Variants in PCDH15 observed in about 807,000 individuals in gnomAD.
PCDH15 encodes the protein protocadherin related 15.
A neutral mutation model predicts 178.5 loss-of-function variants in PCDH15; 129 were observed. The observed-to-expected ratio is 0.72, with a 90% confidence interval of 0.63 to 0.84. The LOEUF (loss-of-function observed/expected upper bound fraction) is 0.84, where lower values mean the gene tolerates loss of function less well. PCDH15 is among the 40% of genes least tolerant of loss of function. PCDH15 has a pLI of 0.00. For synonymous variants in PCDH15, 800 were observed against 732.0 expected (o/e 1.09, Z -1.50); for missense variants, 2,230 against 2,099.9 (o/e 1.06, Z -1.21).
At chr10:54,050,210 G>A (rs1590120830) in intron 18 of PCDH15, among the ~76,000 whole-genome samples, 1 of 152,164 alleles carries the variant, frequency 6.6e-6, no homozygotes, top group Non-Finnish European at 1.5e-5. Context: ...TTGATCGGTA[G>A]ATTTTTCATT....
chr10:54,396,102 C>G (rs1951184955), intron 3 of PCDH15, among the ~76,000 whole-genome samples: 1 of 152,144 alleles, frequency 6.6e-6, no homozygotes, highest in Non-Finnish European at 1.5e-5. Context: ...TCCCCCTTCC[C>G]CTCTAAACCG....
intron 3 of PCDH15, among the ~76,000 whole-genome samples, chr10:54,853,027 G>A (rs908546330): frequency 1.3e-5 from 2 of 151,122 alleles, no homozygotes; most frequent in Non-Finnish European, 1.5e-5. Context: ...TTGGGAGGCC[G>A]AGGCAGGCAG....
At chr10:55,205,302 G>A (rs575907029) in intron 1 of PCDH15, among the ~76,000 whole-genome samples, 1 of 151,886 alleles carries the variant, frequency 6.6e-6, no homozygotes, top group South Asian at 2.1e-4. Context: ...CTCAATTAAA[G>A]CAATTATAAG....
intron 3 of PCDH15, among the ~76,000 whole-genome samples, chr10:54,431,707 G>T (rs1956987543): frequency 6.6e-6 from 1 of 152,050 alleles, no homozygotes; most frequent in South Asian, 2.1e-4. Flanking sequence ...TGGCAAGGAT[G>T]GCCACTTTCA....
At position 54,195,965 on chromosome 10, in the gene PCDH15, A is replaced by G. The variant is rs2049585649; in HGVS notation, c.1099-76T>C. The G allele has an allele frequency of 3.1e-6, 4 of 1,302,508 alleles. No homozygotes were observed. The East Asian group carries it at 9.7e-5, about 32-fold the overall frequency. The allele number at this position is 1,302,508 out of a possible 1,614,324, so 80.7% of individuals were successfully genotyped here. A position where few individuals can be genotyped will look rare whatever the true frequency, so the allele number is the denominator to read the frequency against. The stretch of plus-strand genomic sequence containing the variant: ...TTTTTGGAGTTTCACTTTTCATGCA[A>G]TATATAGGGTTCTCTTTTTAACTAA... On this transcript the variant is annotated intron_variant, in intron 10 of 37. Transcript: ENST00000644397.
chr10:54,683,787 T>C (rs758654829), intron 1 of PCDH15, among the ~76,000 whole-genome samples: 3 of 152,110 alleles, frequency 2.0e-5, no homozygotes, highest in Non-Finnish European at 4.4e-5. Context: ...AGTGTCTGAC[T>C]AACCTGAGTT....
intron 2 of PCDH15, among the ~76,000 whole-genome samples, chr10:55,531,268 T>C (rs1011558109): frequency 2.6e-5 from 4 of 152,046 alleles, no homozygotes; most frequent in Admixed American, 2.0e-4. Context: ...ATGCAAGCAG[T>C]AAAAAAGTAG....
chr10:54,771,504 C>T (rs1350884319), intron 1 of PCDH15, among the ~76,000 whole-genome samples: 1 of 151,900 alleles, frequency 6.6e-6, no homozygotes. Flanking sequence ...TAGTTCAAGC[C>T]AGTCAGAATT....
intron 8 of PCDH15, among the ~76,000 whole-genome samples, chr10:54,309,106 G>T (rs2133446336): frequency 6.6e-6 from 1 of 152,050 alleles, no homozygotes; most frequent in South Asian, 2.1e-4. Flanking sequence ...TTGGCCAAGG[G>T]ACTCAGTGAG....
At chr10:54,853,322 T>TAC (rs1401560628) in intron 3 of PCDH15, among the ~76,000 whole-genome samples, 1 of 108,952 alleles carries the variant, frequency 9.2e-6, no homozygotes, top group Non-Finnish European at 1.8e-5. Flanking sequence ...TATATATACA[T>TAC]ACACACACAT....
At chr10:54,189,925 ATGTGTGTGTG>A (rs57024579) in intron 11 of PCDH15, among the ~76,000 whole-genome samples, 24 of 141,478 alleles carry the variant, frequency 1.7e-4, no homozygotes, top group Non-Finnish European at 2.3e-4. Context: ...ATGCATGTGT[ATGTGTGTGTG>A]TGTGTGTGTG....
At chr10:53,954,168 T>C (rs545353015) in intron 23 of PCDH15, among the ~76,000 whole-genome samples, 4 of 152,306 alleles carry the variant, frequency 2.6e-5, no homozygotes, top group South Asian at 2.1e-4. Context: ...TGGTTTTTTA[T>C]TATGTTGTTA....
intron 1 of PCDH15, among the ~76,000 whole-genome samples, chr10:54,781,684 C>T (rs952669625): frequency 6.6e-6 from 1 of 152,136 alleles, no homozygotes; most frequent in Non-Finnish European, 1.5e-5. Context: ...AATATCTGAA[C>T]TGTAAGATAT....
At chr10:54,191,777 T>A (rs1447448895) in intron 11 of PCDH15, among the ~76,000 whole-genome samples, 2 of 144,358 alleles carry the variant, frequency 1.4e-5, no homozygotes, top group Non-Finnish European at 3.0e-5. Context: ...AAAAATTAGC[T>A]AGGCATGGTG....
chr10:55,193,286 T>C (rs909729423), intron 1 of PCDH15, among the ~76,000 whole-genome samples: 1 of 151,954 alleles, frequency 6.6e-6, no homozygotes, highest in African/African-American at 2.4e-5. Context: ...GCAATTTCAA[T>C]ATGAAACTGT....
chr10:55,260,676 A>G (rs2249383), intron 1 of PCDH15, among the ~76,000 whole-genome samples: 128,771 of 152,126 alleles, frequency 0.85, 55,141 homozygotes, highest in East Asian at 0.96. Context: ...TCTAGGTAAT[A>G]TTACAGGATG....
intron 10 of PCDH15, among the ~76,000 whole-genome samples, chr10:54,208,960 C>A (rs544228750): frequency 1.6e-4 from 24 of 152,124 alleles, no homozygotes; most frequent in African/African-American, 5.5e-4. Flanking sequence ...TCGTTTCCAT[C>A]TCTTGTCTTT....
chr10:55,554,587 CT>C (rs1842055585), intron 2 of PCDH15, among the ~76,000 whole-genome samples: 1 of 151,934 alleles, frequency 6.6e-6, no homozygotes, highest in Non-Finnish European at 1.5e-5. Flanking sequence ...GAAAATACAG[CT>C]TTTGTGGGAT....
At chr10:55,484,708 T>C (rs1261177218) in intron 2 of PCDH15, among the ~76,000 whole-genome samples, 1 of 151,506 alleles carries the variant, frequency 6.6e-6, no homozygotes, top group Non-Finnish European at 1.5e-5. Context: ...AGAAACAGAA[T>C]AGGGAACCCA....
Sources: gnomAD v4.1 joint callset for allele counts (sites outside exome capture counted in the v4.1 genomes callset) on GRCh38, gnomAD v4.1.1 for gene constraint, MANE v1.5 for transcripts, NCBI Gene and HGNC (gene_info 2026-07-23, HGNC 2026-07-21) for gene names.